DIP2C: variants seen among roughly 807,000 people sequenced by gnomAD.
DIP2C encodes the protein disco-interacting protein 2 homolog C.
Under a neutral mutation model 192.4 loss-of-function variants are expected in DIP2C, and 33 were observed. The ratio of observed to expected loss-of-function variants is 0.17; its 90% CI spans 0.13 to 0.23. The LOEUF is 0.23. Ranked by LOEUF, DIP2C falls within the 10% of genes least tolerant of loss-of-function variation. DIP2C has a pLI of 1.00. For missense variants in DIP2C, 1,537 were observed against 2,110.1 expected, an observed-to-expected ratio of 0.73 and a Z score of 5.32; for synonymous variants, 979 against 864.1, an observed-to-expected ratio of 1.13 and a Z score of -2.33.
chr10:461,608 T>C lies in DIP2C; in HGVS notation c.268+10831A>G, dbSNP rs796196432. ...AGTGGGAGGCTTTAACACCCCAACG[T>C]CAGTATTAGACAGATTGAGACAGAA... On this transcript the variant is annotated intron_variant, in intron 3 of 36. Coordinates refer to ENST00000280886, the MANE Select transcript of DIP2C (RefSeq NM_014974.3). 2.2e-4 allele frequency among the ~76,000 whole-genome samples: 33 copies of C among 152,188 alleles called. 1 individual carries two copies. Among genetic ancestry groups the C allele is most frequent in the African/African-American group, 7.7e-4 (32 of 41,528 alleles).
chr10:621,287 GTA>G (rs747101275), intron 1 of DIP2C, among the ~76,000 whole-genome samples: 13 of 148,214 alleles, frequency 8.8e-5, no homozygotes, highest in Non-Finnish European at 1.6e-4. Context: ...CACACGCTCT[GTA>G]CACATCTGTC....
Position 472,612 on chromosome 10 carries a change from A to G in DIP2C, c.158-63T>C, listed in dbSNP as rs915481011. The G allele has an allele frequency of 2.0e-5, 23 of 1,158,696 alleles. No individual in the cohort carries two copies. In the African/African-American group the frequency reaches 3.3e-4, roughly 17 times the overall value. 71.8% of individuals were successfully genotyped at this position (1,158,696 alleles called of 1,614,324 possible). On this transcript the variant is annotated intron_variant, in intron 2 of 36. Coordinates refer to ENST00000280886, the MANE Select transcript of DIP2C (RefSeq NM_014974.3). ...GTACTCAGCGGAGTCAGCAGACTCT[A>G]ACAAATCATGCCCTCCATCCCCACA...
chr10:438,048 T>A (rs971182489), intron 4 of DIP2C: 1 of 152,266 alleles, frequency 6.6e-6, no homozygotes, highest in Non-Finnish European at 1.5e-5. Context: ...AACTACCCCA[T>A]GTGATATCAC....
At chr10:341,353 A>T (rs1283643465) in intron 28 of DIP2C, 24 bp from the exon 29 acceptor site, 1 of 1,612,426 alleles carries the variant, frequency 6.2e-7, no homozygotes, top group Admixed American at 1.7e-5. Context: ...GGCTGTGTTA[A>T]ACGCATCGGA....
At chr10:634,925 GCCC>G (rs1157884070) in intron 1 of DIP2C, among the ~76,000 whole-genome samples, 2 of 151,948 alleles carry the variant, frequency 1.3e-5, no homozygotes, top group Non-Finnish European at 2.9e-5. Context: ...TTTCTAATTG[GCCC>G]CCAATTTTTC....
chr10:531,631 C>T (rs569266150), intron 1 of DIP2C, among the ~76,000 whole-genome samples: 207 of 152,280 alleles, frequency 1.4e-3, no homozygotes, highest in African/African-American at 4.4e-3. Context: ...GCGGTGTCAC[C>T]GGCAAACCCA....
At chr10:517,183 C>T (rs1355246574) in intron 1 of DIP2C, among the ~76,000 whole-genome samples, 1 of 152,126 alleles carries the variant, frequency 6.6e-6, no homozygotes. Context: ...CAGCCAAGCC[C>T]CTTCTCCTTT....
chr10:405,348 T>C (rs1964726947), intron 9 of DIP2C, among the ~76,000 whole-genome samples: 1 of 152,196 alleles, frequency 6.6e-6, no homozygotes. Flanking sequence ...AATTTCATAT[T>C]ATAGACCACT....
chr10:689,160 G>C lies in DIP2C; in HGVS notation c.85+334C>G, dbSNP rs1831447698. ...CCCACAGACACCCCCAGGGCGCGGG[G>C]GGATCGCGGCCCCACAAACATCCCA... On this transcript the variant is annotated intron_variant, in intron 1 of 36. Coordinates refer to ENST00000280886, the MANE Select transcript of DIP2C (RefSeq NM_014974.3). This position sits in a 1 kb window ranked among gnomAD's most constrained non-coding sequence, Gnocchi z 6.1. 6.6e-6 allele frequency among the ~76,000 whole-genome samples: 1 copy of C among 151,820 alleles called. No individual in the cohort carries two copies. The highest frequency in any genetic ancestry group is 1.5e-5 in the Non-Finnish European group (1 of 67,920).
rs575274047 is a variant in DIP2C, at chr10:445,446, G to A, written c.269-4450C>T. The stretch of plus-strand genomic sequence containing the variant: ...TTGCACTGGACATCTGTATATATCT[G>A]TTGTGAAGAGTCTCACAGGCCCACT... On this transcript the variant is annotated intron_variant, in intron 3 of 36. Transcript: ENST00000280886. Among the ~76,000 whole-genome samples, 24 of 149,454 alleles carry A rather than the reference G, an allele frequency of 1.6e-4. No individual in the cohort carries two copies. In the South Asian group the frequency reaches 1.9e-3, roughly 12 times the overall value.
At chr10:502,053 G>A (rs1053468914) in intron 1 of DIP2C, among the ~76,000 whole-genome samples, 1 of 152,210 alleles carries the variant, frequency 6.6e-6, no homozygotes, top group African/African-American at 2.4e-5. Context: ...GGCTGAGGTG[G>A]GAGGATTGCT....
chr10:371,962 G>A (rs981724480), intron 17 of DIP2C, among the ~76,000 whole-genome samples: 6 of 152,182 alleles, frequency 3.9e-5, no homozygotes, highest in Non-Finnish European at 7.3e-5. Context: ...CAAAATGCTA[G>A]GCTAGCCAAG....
At chr10:350,271 G>C (rs1047193149) in intron 24 of DIP2C, among the ~76,000 whole-genome samples, 1 of 152,184 alleles carries the variant, frequency 6.6e-6, no homozygotes, top group African/African-American at 2.4e-5. Context: ...TTCTCTCATA[G>C]AGATGGGGTC....
chr10:582,130 G>T (rs1850706529), intron 1 of DIP2C, among the ~76,000 whole-genome samples: 1 of 152,166 alleles, frequency 6.6e-6, no homozygotes, highest in South Asian at 2.1e-4. Flanking sequence ...AGGCAGTCAT[G>T]CTCACTCACC....
Position 275,137 on chromosome 10 carries a change from G to C in DIP2C, c.*2188C>G, listed in dbSNP as rs1954446446. The C allele has an allele frequency of 6.6e-6, 1 of 152,262 alleles. No homozygotes were observed. The highest frequency in any genetic ancestry group is 1.5e-5 in the Non-Finnish European group (1 of 68,070). 9.4% of individuals were successfully genotyped at this position (152,262 alleles called of 1,614,324 possible). A position where few individuals can be genotyped will look rare whatever the true frequency, so the allele number is the denominator to read the frequency against. ...TCTGGTGACAGTTGAAATTATGTTT[G>C]AAGTGACATCTACATTTGTTTTGCT... On this transcript the variant is annotated 3_prime_UTR_variant, in exon 37 of 37. Coordinates refer to ENST00000280886, the MANE Select transcript of DIP2C (RefSeq NM_014974.3).
intron 8 of DIP2C, among the ~76,000 whole-genome samples, chr10:410,944 T>C (rs1208347798): frequency 6.6e-6 from 1 of 152,214 alleles, no homozygotes; most frequent in African/African-American, 2.4e-5. Context: ...ACTATTGTAT[T>C]AGATATTAAT....
intron 31 of DIP2C, among the ~76,000 whole-genome samples, chr10:312,908 C>A (rs922183092): frequency 6.6e-6 from 1 of 152,020 alleles, no homozygotes; most frequent in Non-Finnish European, 1.5e-5. Context: ...CTAAATTATC[C>A]TAGTTCAGAA....
chr10:443,999 A>T (rs1374871901), intron 3 of DIP2C, among the ~76,000 whole-genome samples: 1 of 152,210 alleles, frequency 6.6e-6, no homozygotes. Context: ...CTTTTGCCTC[A>T]AAGTTCCCAC....
intron 1 of DIP2C, among the ~76,000 whole-genome samples, chr10:649,572 C>T (rs1460457592): frequency 2.6e-5 from 4 of 152,208 alleles, no homozygotes; most frequent in Non-Finnish European, 5.9e-5. Context: ...ACCAACTTTT[C>T]CTTTTTTCAC....
Sources: allele counts gnomAD v4.1 joint callset (sites outside exome capture counted in the v4.1 genomes callset), GRCh38; gene constraint gnomAD v4.1.1; non-coding constraint Gnocchi (gnomAD v3.1); transcripts MANE v1.5; gene names NCBI Gene and HGNC (gene_info 2026-07-23, HGNC 2026-07-21).